Variants in EVA1C observed in about 807,000 individuals in gnomAD.
EVA1C encodes protein eva-1 homolog C.
A neutral mutation model predicts 45.4 loss-of-function variants in EVA1C; 25 were observed. That is an observed-to-expected ratio of 0.55 (90% CI 0.40 to 0.77). The LOEUF is 0.77. Ranked by LOEUF, EVA1C falls within the 30% of genes least tolerant of loss-of-function variation. The probability of loss-of-function intolerance (pLI) is 0.00; values close to 1 mark genes in which losing one functional copy is unlikely to be tolerated. For missense variants in EVA1C, 479 were observed against 554.8 expected, an observed-to-expected ratio of 0.86 and a Z score of 1.37; for synonymous variants, 190 against 221.2, an observed-to-expected ratio of 0.86 and a Z score of 1.25.
chr21:32,515,310 C>G lies in EVA1C; in HGVS notation c.*120C>G. 1.8e-6 allele frequency: 2 copies of G among 1,116,904 alleles called. No homozygotes were observed. Among genetic ancestry groups the G allele is most frequent in the Non-Finnish European group, 2.5e-6 (2 of 789,058 alleles). The allele number at this position is 1,116,904 out of a possible 1,614,324, so 69.2% of individuals were successfully genotyped here. On this transcript the variant is annotated 3_prime_UTR_variant, in exon 8 of 8. Coordinates refer to ENST00000300255, the MANE Select transcript of EVA1C (RefSeq NM_058187.5). ...AGAATTCGTCATGTCATTCAACACT[C>G]GTGAGGCCAGGAAGCTATTAAAGGG...
In EVA1C at chr21:32,412,718, G is replaced by A; in HGVS notation, c.-136G>A. ...GGCCCGCGCAGGGGAGGAGGCTCTG[G>A]CAGCCTGGGCAGGGAGGCGGCGGGG... On this transcript the variant is annotated 5_prime_UTR_variant, in exon 1 of 8. Coordinates refer to ENST00000300255, the MANE Select transcript of EVA1C (RefSeq NM_058187.5). 1.1e-6 allele frequency: 1 copy of A among 919,696 alleles called. No homozygotes were observed. The highest frequency in any genetic ancestry group is 1.5e-6 in the Non-Finnish European group (1 of 680,692). 57.0% of individuals were successfully genotyped at this position (919,696 alleles called of 1,614,324 possible).
Position 32,495,104 on chromosome 21 carries a change from A to G in EVA1C, c.712A>G (p.Asn238Asp). The part of the protein sequence containing the change: ...GKQRCKIIVN[N>D]HHFGSPCLPG... ...GCAGAGATGCAAAATCATCGTCAAC[A>G]ATCACCATTTTGGAAGCCCCTGTTT... Residue 238 changes from asparagine (N) to aspartate (D), a missense_variant, in exon 5 of 8, where the codon AAT (asparagine) becomes GAT (aspartate). By Grantham distance (23) the Asn-to-Asp change is conservative. Coordinates refer to ENST00000300255, the MANE Select transcript of EVA1C (RefSeq NM_058187.5). The G allele has an allele frequency of 1.2e-6, 2 of 1,614,148 alleles. No individual in the cohort carries two copies. Among genetic ancestry groups the G allele is most frequent in the Non-Finnish European group, 8.5e-7 (1 of 1,180,032 alleles).
intron 3 of EVA1C, 118 bp from the exon 4 acceptor site, chr21:32,467,578 C>G: frequency 1.0e-6 from 1 of 973,954 alleles, no homozygotes; most frequent in Non-Finnish European, 1.4e-6. Context: ...CAGGGCCATC[C>G]CCACTGCCCC....
intron 4 of EVA1C, among the ~76,000 whole-genome samples, chr21:32,489,864 G>A (rs1412728782): frequency 6.6e-6 from 1 of 151,974 alleles, no homozygotes; most frequent in Non-Finnish European, 1.5e-5. Flanking sequence ...ATTGTAAATG[G>A]GATCTCGGCT....
intron 6 of EVA1C, among the ~76,000 whole-genome samples, chr21:32,502,723 G>A (rs531539987): frequency 4.8e-4 from 73 of 152,248 alleles, no homozygotes; most frequent in African/African-American, 1.7e-3. Context: ...CCTTCTAGCT[G>A]GCCACCTTGG....
At chr21:32,507,858 C>A (rs561237369) in intron 7 of EVA1C, among the ~76,000 whole-genome samples, 2 of 144,146 alleles carry the variant, frequency 1.4e-5, no homozygotes, top group Non-Finnish European at 3.0e-5. Context: ...TATGCTTGTG[C>A]GTGTGTGCCG....
chr21:32,467,851 A>G lies in EVA1C; in HGVS notation c.634+3A>G. 1 of 1,606,530 alleles carries G rather than the reference A, an allele frequency of 6.2e-7. No homozygotes were observed. ...GGCAGAGCGGCTCCCCCCTTTCGGT[A>G]TGTGCTTTTGTGTGTGTATTAGCCA... On this transcript the variant is annotated splice_donor_region_variant and intron_variant, in intron 4 of 7. Coordinates refer to ENST00000300255, the MANE Select transcript of EVA1C (RefSeq NM_058187.5).
intron 6 of EVA1C, 40 bp downstream of exon 6, chr21:32,501,535 A>G: frequency 1.3e-6 from 2 of 1,590,640 alleles, no homozygotes; most frequent in Non-Finnish European, 8.5e-7. Flanking sequence ...CTCTTTAAGT[A>G]AAGGTAAACA....
At chr21:32,503,541 C>T (rs777103810) in intron 6 of EVA1C, among the ~76,000 whole-genome samples, 5 of 107,690 alleles carry the variant, frequency 4.6e-5, no homozygotes, top group Non-Finnish European at 9.6e-5. Flanking sequence ...GAGTGAAACT[C>T]CATCTCAAAA....
chr21:32,467,880 T>G, intron 4 of EVA1C, 32 bp downstream of exon 4: 1 of 1,535,502 alleles, frequency 6.5e-7, no homozygotes, highest in Non-Finnish European at 8.7e-7. Context: ...TTAGCCAGGG[T>G]TCTCTAGAGG....
intron 1 of EVA1C, among the ~76,000 whole-genome samples, chr21:32,420,322 A>G (rs1276550657): frequency 1.3e-5 from 2 of 152,182 alleles, no homozygotes; most frequent in Admixed American, 1.3e-4. Context: ...GTGAGCCAAG[A>G]TCATGCCACC....
At chr21:32,470,799 C>G (rs1183445257) in intron 4 of EVA1C, among the ~76,000 whole-genome samples, 2 of 150,968 alleles carry the variant, frequency 1.3e-5, no homozygotes, top group African/African-American at 2.4e-5. Context: ...CCCTCTGTTG[C>G]CCAGGCTGGA....
chr21:32,463,184 C>T (rs1275057680), intron 3 of EVA1C, among the ~76,000 whole-genome samples: 6 of 152,166 alleles, frequency 3.9e-5, no homozygotes, highest in Admixed American at 3.9e-4. Context: ...ATCACAGTTA[C>T]TTTTGCACCA....
At chr21:32,507,457 CGTGTGT>C (rs973947456) in intron 7 of EVA1C, among the ~76,000 whole-genome samples, 14 of 138,036 alleles carry the variant, frequency 1.0e-4, no homozygotes, top group African/African-American at 3.8e-4. Flanking sequence ...TATGCGTGTG[CGTGTGT>C]GCATGTGTGC....
chr21:32,476,670 G>A (rs558752818), intron 4 of EVA1C, among the ~76,000 whole-genome samples: 24 of 152,102 alleles, frequency 1.6e-4, no homozygotes, highest in Non-Finnish European at 3.4e-4. Flanking sequence ...ATAAGTTCAA[G>A]AGGAAGAGGG....
At position 32,515,259 on chromosome 21, in the gene EVA1C, T is replaced by A. The variant is rs2038101652; in HGVS notation, c.*69T>A. ...AGGATCCCAAATGCCCCTCCAGTTC[T>A]GGTTCACCTGTACCTTCTATGAAGG... On this transcript the variant is annotated 3_prime_UTR_variant, in exon 8 of 8. Coordinates refer to ENST00000300255, the MANE Select transcript of EVA1C (RefSeq NM_058187.5). 6.7e-7 allele frequency: 1 copy of A among 1,482,554 alleles called. No individual in the cohort carries two copies. The highest frequency in any genetic ancestry group is 9.1e-7 in the Non-Finnish European group (1 of 1,101,308). 91.8% of individuals were successfully genotyped at this position (1,482,554 alleles called of 1,614,324 possible). A position where few individuals can be genotyped will look rare whatever the true frequency, so the allele number is the denominator to read the frequency against.
At chr21:32,458,543 G>T (rs1001609802) in intron 3 of EVA1C, among the ~76,000 whole-genome samples, 25 of 150,382 alleles carry the variant, frequency 1.7e-4, no homozygotes, top group African/African-American at 6.1e-4. Flanking sequence ...AGTGCAATGC[G>T]CAATCTCGGC....
Position 32,457,669 on chromosome 21 carries a change from C to T in EVA1C, c.430C>T (p.Leu144Phe). ...CAATAGCCGTGTTTTTGGACCTGAC[C>T]TTTGTCCAGGAAGCAGTAAATACCT... ...LVNSRVFGPD[L>F]CPGSSKYLLV... Residue 144 changes from leucine to phenylalanine, a missense_variant, in exon 3 of 8, where the codon CTT (leucine) becomes TTT (phenylalanine). Coordinates refer to ENST00000300255, the MANE Select transcript of EVA1C (RefSeq NM_058187.5). 1 of 1,614,120 alleles carries T rather than the reference C, an allele frequency of 6.2e-7. No homozygotes were observed.
At chr21:32,426,105 G>A (rs1052636098) in intron 1 of EVA1C, among the ~76,000 whole-genome samples, 2 of 152,112 alleles carry the variant, frequency 1.3e-5, no homozygotes, top group Non-Finnish European at 2.9e-5. Context: ...ACTGGCTGCT[G>A]TGCTTCTCCA....
Sources: gnomAD v4.1 joint callset for allele counts (sites outside exome capture counted in the v4.1 genomes callset) on GRCh38, gnomAD v4.1.1 for gene constraint, MANE v1.5 for transcripts, NCBI Gene and HGNC (gene_info 2026-07-23, HGNC 2026-07-21) for gene names.